The following TEX14 variants were observed in gnomAD, a reference collection of about 807,000 sequenced individuals.
TEX14 encodes the protein inactive serine/threonine-protein kinase TEX14.
A neutral mutation model predicts 178.6 loss-of-function variants in TEX14; 168 were observed. The observed-to-expected ratio is 0.94, with a 90% CI of 0.83 to 1.07. The LOEUF is 1.07. TEX14 is among the 50% of genes least tolerant of loss of function. TEX14 has a pLI of 0.00. For missense variants in TEX14, 1,730 were observed against 1,753.6 expected, an observed-to-expected ratio of 0.99 and a Z score of 0.24; for synonymous variants, 626 against 634.1, an observed-to-expected ratio of 0.99 and a Z score of 0.19.
intron 17 of TEX14, 30 bp from the exon 18 acceptor site, chr17:58,586,112 C>A: frequency 1.9e-6 from 3 of 1,592,324 alleles, no homozygotes; most frequent in Non-Finnish European, 2.6e-6. Context: ...GCATTTAAAA[C>A]ATCACTGTAA....
Position 58,666,272 on chromosome 17 carries a change from C to T in TEX14, c.-1-14270G>A, listed in dbSNP as rs543101417. Among the ~76,000 whole-genome samples the T allele has an allele frequency of 2.6e-5, 4 of 151,194 alleles. No individual in the cohort carries two copies. In the South Asian group the frequency reaches 8.4e-4, roughly 32 times the overall value. ...CTGAGACACGAGAATAGCTCGAACT[C>T]GGGAGGTGGAGGCTGCGGTGAGCCG... is the stretch of plus-strand genomic sequence containing the variant. On this transcript the variant is annotated intron_variant, in intron 1 of 31. Coordinates refer to ENST00000349033, the MANE Select transcript of TEX14 (RefSeq NM_031272.5).
chr17:58,663,470 ATT>A (rs1190650311), intron 1 of TEX14, among the ~76,000 whole-genome samples: 1 of 145,118 alleles, frequency 6.9e-6, no homozygotes. Flanking sequence ...CTGAATCTAA[ATT>A]TTTTTTTTTT....
At chr17:58,586,845 C>T (rs2044988591) in intron 17 of TEX14, among the ~76,000 whole-genome samples, 1 of 152,060 alleles carries the variant, frequency 6.6e-6, no homozygotes. Context: ...TTTCCTCCCA[C>T]ATCCTAAATA....
chr17:58,604,849 C>G lies in TEX14; in HGVS notation c.1336+129G>C, dbSNP rs2045567054. 3.6e-6 allele frequency: 4 copies of G among 1,097,988 alleles called. No homozygotes were observed. The African/African-American group carries it at 4.7e-5, about 13-fold the overall frequency. 68.0% of individuals were successfully genotyped at this position (1,097,988 alleles called of 1,614,324 possible). ...GTGCTGGGATTACAGGCGTGAGCCA[C>G]TGCTCCCAGCCAAGAAGTCTCTTTT... On this transcript the variant is annotated intron_variant, in intron 11 of 31. Coordinates refer to ENST00000349033, the MANE Select transcript of TEX14 (RefSeq NM_031272.5).
chr17:58,665,534 T>G (rs1201943165), intron 1 of TEX14, among the ~76,000 whole-genome samples: 1 of 151,822 alleles, frequency 6.6e-6, no homozygotes, highest in Non-Finnish European at 1.5e-5. Context: ...AGGCGGAGGT[T>G]GCAGTGAGCC....
At chr17:58,617,459 T>G in intron 6 of TEX14, 79 bp downstream of exon 6, 1 of 1,029,604 alleles carries the variant, frequency 9.7e-7, no homozygotes, top group Non-Finnish European at 1.5e-6. Flanking sequence ...GAGGCAGGAG[T>G]TGGACAAAGG....
rs374079060 is a variant in TEX14 at position 58,630,575 on chromosome 17, T to G, written c.137-21A>C. ...AATTCCTGCAAAGGAAATATCAGAATCAATGCAAATATCAGAAAATTTCCT... is the reference window on the plus strand; with the variant it reads ...AATTCCTGCAAAGGAAATATCAGAAGCAATGCAAATATCAGAAAATTTCCT... On this transcript the variant is annotated intron_variant, in intron 2 of 31. Coordinates refer to ENST00000349033, the MANE Select transcript of TEX14 (RefSeq NM_031272.5). 21 of 1,561,312 alleles carry G rather than the reference T, an allele frequency of 1.3e-5. No homozygotes were observed. The African/African-American group carries it at 2.7e-4, about 20-fold the overall frequency.
At chr17:58,673,404 A>G (rs1227621634) in intron 1 of TEX14, among the ~76,000 whole-genome samples, 2 of 150,136 alleles carry the variant, frequency 1.3e-5, no homozygotes, top group Non-Finnish European at 3.0e-5. Flanking sequence ...AATCGGTTGA[A>G]CCCAGGAGGC....
chr17:58,688,638 G>A (rs1369781615), intron 1 of TEX14, among the ~76,000 whole-genome samples: 1 of 152,148 alleles, frequency 6.6e-6, no homozygotes, highest in Non-Finnish European at 1.5e-5. Context: ...ACTTGCAGGT[G>A]AGGAGACTGA....
chr17:58,559,390 A>C, intron 30 of TEX14, 63 bp downstream of exon 30: 1 of 703,380 alleles, frequency 1.4e-6, no homozygotes, highest in East Asian at 2.7e-5. Flanking sequence ...TTTCTAAATA[A>C]CTTTGAAGCA....
chr17:58,604,048 T>C (rs2045545790), intron 11 of TEX14, among the ~76,000 whole-genome samples: 1 of 152,028 alleles, frequency 6.6e-6, no homozygotes, highest in South Asian at 2.1e-4. Context: ...AGTGACACTG[T>C]TTATACATCT....
chr17:58,573,685 A>C (rs924765710), intron 22 of TEX14, among the ~76,000 whole-genome samples: 1 of 151,948 alleles, frequency 6.6e-6, no homozygotes, highest in East Asian at 1.9e-4. Flanking sequence ...TGCCTGGCTA[A>C]TTTTAGTATT....
At chr17:58,590,239 G>A (rs898731996) in intron 15 of TEX14, among the ~76,000 whole-genome samples, 5 of 128,560 alleles carry the variant, frequency 3.9e-5, no homozygotes, top group Non-Finnish European at 6.2e-5. Flanking sequence ...CCAGCCTGGC[G>A]ACATAGCAAG....
chr17:58,628,347 G>C (rs551357692), intron 3 of TEX14, among the ~76,000 whole-genome samples: 1 of 152,098 alleles, frequency 6.6e-6, no homozygotes, highest in African/African-American at 2.4e-5. Flanking sequence ...GGGAGACTGA[G>C]GCGGGCGGAC....
chr17:58,682,217 G>A (rs2143564017), intron 1 of TEX14, among the ~76,000 whole-genome samples: 1 of 151,508 alleles, frequency 6.6e-6, no homozygotes, highest in South Asian at 2.1e-4. Context: ...CCAGACAGTT[G>A]GGATTAGAGG....
At chr17:58,570,515 CAT>C (rs776449534) in intron 24 of TEX14, 31 bp from the exon 25 acceptor site, 2 of 1,465,206 alleles carry the variant, frequency 1.4e-6, no homozygotes, top group Non-Finnish European at 1.8e-6. Context: ...TGGTAACTGT[CAT>C]GTGTGTTGAG....
intron 1 of TEX14, among the ~76,000 whole-genome samples, chr17:58,657,817 G>T (rs2047001478): frequency 6.6e-6 from 1 of 152,030 alleles, no homozygotes; most frequent in South Asian, 2.1e-4. Context: ...TCTTGTCTGG[G>T]GACTAGATTG....
At chr17:58,668,433 G>T in intron 1 of TEX14, among the ~76,000 whole-genome samples, 1 of 152,194 alleles carries the variant, frequency 6.6e-6, no homozygotes, top group East Asian at 1.9e-4. Flanking sequence ...AAATGTGGAG[G>T]AAGTAACTGG....
chr17:58,617,241 A>G lies in TEX14; in HGVS notation c.636+297T>C, dbSNP rs1261081163. On this transcript the variant is annotated intron_variant, in intron 6 of 31. Coordinates refer to ENST00000349033, the MANE Select transcript of TEX14 (RefSeq NM_031272.5). ...ACTCCAGCCTGGGCAACAGAGCCAG[A>G]CTCTGTCTCAAAAAAATAATAATTA... is the stretch of plus-strand genomic sequence containing the variant. Among the ~76,000 whole-genome samples, 2 of 152,164 alleles carry G rather than the reference A, an allele frequency of 1.3e-5. 1 individual carries two copies. Among genetic ancestry groups the G allele is most frequent in the African/African-American group, 4.8e-5 (2 of 41,448 alleles).
Sources: allele counts gnomAD v4.1 joint callset (sites outside exome capture counted in the v4.1 genomes callset), GRCh38; gene constraint gnomAD v4.1.1; transcripts MANE v1.5; gene names NCBI Gene and HGNC (gene_info 2026-07-23, HGNC 2026-07-21).